The following MARCO variants were observed in gnomAD, a reference collection of about 807,000 sequenced individuals.
The protein encoded by MARCO is macrophage receptor MARCO.
A neutral mutation model predicts 70.0 loss-of-function variants in MARCO; 72 were observed. The observed-to-expected ratio is 1.03, with a 90% confidence interval of 0.85 to 1.25. The LOEUF is 1.25. Ranked by LOEUF, MARCO falls within the 50% of genes most tolerant of loss-of-function variation. The pLI is 0.00. For synonymous variants in MARCO, 273 were observed against 243.1 expected, an observed-to-expected ratio of 1.12 and a Z score of -1.14; for missense variants, 696 against 659.3, an observed-to-expected ratio of 1.06 and a Z score of -0.61.
At chr2:118,948,479 G>A (rs1361772916) in intron 1 of MARCO, among the ~76,000 whole-genome samples, 1 of 152,224 alleles carries the variant, frequency 6.6e-6, no homozygotes, top group African/African-American at 2.4e-5. Context: ...ACGTGCCTGT[G>A]AGCATGTTCA....
rs765229381 is a variant in MARCO at position 118,981,438 on chromosome 2, G to T, written c.796G>T (p.Asp266Tyr). Reference protein sequence around the residue: ...GSKGDRGMKGDAGVMGPPGAQ... With the variant: ...GSKGDRGMKGYAGVMGPPGAQ... ...CAAAGGGGACAGGGGCATGAAAGGA[G>T]ATGCAGGGGTCATGGGGCCTCCTGG... is the stretch of plus-strand genomic sequence containing the variant. Residue 266 changes from aspartate to tyrosine, a missense_variant, in exon 9 of 17, where the codon GAT becomes TAT. By Grantham distance (160) the Asp-to-Tyr change is radical (BLOSUM62 -3). Around this residue, in one of 3 missense-constraint regions of MARCO, gnomAD observed 605 missense variants for 537.6 expected, o/e 1.13. Transcript: ENST00000327097. 2.5e-6 allele frequency: 4 copies of T among 1,598,524 alleles called. 1 individual carries two copies. In the South Asian group the frequency reaches 4.6e-5, roughly 18 times the overall value.
intron 6 of MARCO, among the ~76,000 whole-genome samples, chr2:118,975,654 G>A (rs574245480): frequency 1.3e-5 from 2 of 151,958 alleles, no homozygotes; most frequent in South Asian, 2.1e-4. Flanking sequence ...TCACACTCAT[G>A]TCTGAGGGCA....
intron 1 of MARCO, chr2:118,949,540 C>T (rs1339688980): frequency 6.6e-6 from 1 of 152,188 alleles, no homozygotes; most frequent in Non-Finnish European, 1.5e-5. Flanking sequence ...GGATCCTTTC[C>T]AGTGACTTCT....
chr2:118,961,164 T>C (rs1679939350), intron 1 of MARCO, among the ~76,000 whole-genome samples: 1 of 152,172 alleles, frequency 6.6e-6, no homozygotes, highest in African/African-American at 2.4e-5. Flanking sequence ...GTTGATTCCA[T>C]GTCTTTGTTA....
intron 4 of MARCO, among the ~76,000 whole-genome samples, chr2:118,972,943 G>GCT (rs1023734281): frequency 3.3e-5 from 5 of 151,356 alleles, no homozygotes; most frequent in South Asian, 4.2e-4. Flanking sequence ...GGCTTCTATG[G>GCT]CTCTCTCTCT....
chr2:118,950,363 C>A (rs542135329), intron 1 of MARCO, among the ~76,000 whole-genome samples: 2 of 152,240 alleles, frequency 1.3e-5, no homozygotes, highest in East Asian at 3.9e-4. Flanking sequence ...CACAGAAAAA[C>A]TGGATGACAC....
intron 1 of MARCO, among the ~76,000 whole-genome samples, chr2:118,948,430 C>T (rs1307037877): frequency 6.6e-6 from 1 of 152,230 alleles, no homozygotes; most frequent in Non-Finnish European, 1.5e-5. Flanking sequence ...GAAGCAATAA[C>T]ATTTCCAAAT....
intron 12 of MARCO, among the ~76,000 whole-genome samples, chr2:118,987,627 C>T (rs1300270137): frequency 2.0e-5 from 3 of 152,136 alleles, no homozygotes; most frequent in Non-Finnish European, 2.9e-5. Flanking sequence ...GTAAGCTGGT[C>T]GCTCAAGAAT....
chr2:118,986,672 G>A (rs13001297), intron 12 of MARCO, among the ~76,000 whole-genome samples: 5,478 of 46,584 alleles, frequency 0.12, 495 homozygotes, highest in East Asian at 0.32. Context: ...AAGGAAGGAA[G>A]GAAAGAAAGA....
chr2:118,949,626 G>A (rs964318418), intron 1 of MARCO: 5 of 36,412 alleles, frequency 1.4e-4, no homozygotes, highest in African/African-American at 3.1e-4. Context: ...TTTAAGCACT[G>A]GGTTAGGAAA....
In MARCO at chr2:118,990,569, C is replaced by CGGGTTTGTG; in HGVS notation, c.1064-20_1064-19insGGGTTTGTG. On this transcript the variant is annotated intron_variant, in intron 12 of 16. Transcript: ENST00000327097. ...AGTTTTATTATCTCCTCCCCCCCCC[C>CGGGTTTGTG]TTTTTTGTTTTGATCTTAGGACTTC... The CGGGTTTGTG allele has an allele frequency of 7.1e-7, 1 of 1,415,984 alleles. No homozygotes were observed. The highest frequency in any genetic ancestry group is 9.7e-7 in the Non-Finnish European group (1 of 1,028,338). The allele number at this position is 1,415,984 out of a possible 1,614,324, so 87.7% of individuals were successfully genotyped here.
At chr2:118,959,186 C>T (rs1171589966) in intron 1 of MARCO, among the ~76,000 whole-genome samples, 1 of 152,094 alleles carries the variant, frequency 6.6e-6, no homozygotes, top group African/African-American at 2.4e-5. Flanking sequence ...GAACAGTCAG[C>T]AGAGTAAACA....
intron 1 of MARCO, among the ~76,000 whole-genome samples, chr2:118,946,248 T>G (rs1679597585): frequency 6.6e-6 from 1 of 152,186 alleles, no homozygotes; most frequent in South Asian, 2.1e-4. Flanking sequence ...GCTTATTCAT[T>G]AGTTTTACAT....
chr2:118,986,163 C>A (rs1042921368), intron 12 of MARCO, among the ~76,000 whole-genome samples: 1 of 152,136 alleles, frequency 6.6e-6, no homozygotes, highest in African/African-American at 2.4e-5. Flanking sequence ...TCTGAGAGAG[C>A]TTTGCAGAAG....
chr2:118,963,350 A>C (rs1271767046), intron 1 of MARCO, among the ~76,000 whole-genome samples: 1 of 151,928 alleles, frequency 6.6e-6, no homozygotes, highest in Admixed American at 6.5e-5. Flanking sequence ...TGACCCATGC[A>C]TTATATAGAA....
intron 1 of MARCO, among the ~76,000 whole-genome samples, chr2:118,948,528 C>A (rs6731924): frequency 6.6e-6 from 1 of 152,156 alleles, no homozygotes; most frequent in Non-Finnish European, 1.5e-5. Context: ...GAGTTATTAA[C>A]GCAAAGCAAG....
intron 1 of MARCO, among the ~76,000 whole-genome samples, chr2:118,953,631 C>T (rs1391582767): frequency 6.6e-6 from 1 of 152,132 alleles, no homozygotes; most frequent in African/African-American, 2.4e-5. Flanking sequence ...TGAATTTTAG[C>T]TCCATATCAA....
chr2:118,981,935 A>C (rs970962130), intron 10 of MARCO, among the ~76,000 whole-genome samples: 1 of 152,182 alleles, frequency 6.6e-6, no homozygotes, highest in Non-Finnish European at 1.5e-5. Context: ...CATAAGTCCC[A>C]GGCCCTGCAG....
intron 15 of MARCO, 50 bp downstream of exon 15, chr2:118,992,526 C>A: frequency 6.8e-7 from 1 of 1,470,264 alleles, no homozygotes; most frequent in Non-Finnish European, 9.5e-7. Context: ...GTCAATTCTG[C>A]ACCTGAAAAT....
Sources: allele counts gnomAD v4.1 joint callset (sites outside exome capture counted in the v4.1 genomes callset), GRCh38; gene constraint gnomAD v4.1.1; regional missense constraint gnomAD v4.1.1; transcripts MANE v1.5; gene names NCBI Gene and HGNC (gene_info 2026-07-23, HGNC 2026-07-21).